The following SNTG1 variants were observed in gnomAD, a reference collection of about 807,000 sequenced individuals.
SNTG1 encodes syntrophin gamma 1.
A neutral mutation model predicts 74.7 loss-of-function variants in SNTG1; 39 were observed. That is an observed-to-expected ratio of 0.52 (90% CI 0.40 to 0.68). The LOEUF is 0.68. Among genes scored for constraint, SNTG1 ranks in the 30% least tolerant of loss-of-function variants. SNTG1 has a pLI of 0.00. For missense variants in SNTG1, 685 were observed against 609.5 expected, an observed-to-expected ratio of 1.12 and a Z score of -1.30; for synonymous variants, 254 against 217.1, an observed-to-expected ratio of 1.17 and a Z score of -1.49.
In SNTG1 at chr8:50,528,266, G is replaced by T. The variant is rs563537344; in HGVS notation, c.467-1911G>T. Among the ~76,000 whole-genome samples, 3 of 152,036 alleles carry T rather than the reference G, an allele frequency of 2.0e-5. No homozygotes were observed. The South Asian group carries it at 6.2e-4, about 32-fold the overall frequency. On this transcript the variant is annotated intron_variant, in intron 9 of 18. Coordinates refer to ENST00000642720, the MANE Select transcript of SNTG1 (RefSeq NM_018967.5). Reference sequence around the variant, plus strand: ...TATTTTGTCATTAGTTAGGGTATCGGATATAGGTTTTTAAAGATGTTCTTT... The same window carrying T: ...TATTTTGTCATTAGTTAGGGTATCGTATATAGGTTTTTAAAGATGTTCTTT...
chr8:50,099,661 T>C (rs1319737575), intron 1 of SNTG1, among the ~76,000 whole-genome samples: 1 of 152,138 alleles, frequency 6.6e-6, no homozygotes, highest in Non-Finnish European at 1.5e-5. Flanking sequence ...TGCTATCTTT[T>C]ATCTTTGTGA....
At chr8:50,539,161 G>A (rs1311157561) in intron 11 of SNTG1, among the ~76,000 whole-genome samples, 1 of 151,942 alleles carries the variant, frequency 6.6e-6, no homozygotes, top group East Asian at 1.9e-4. Context: ...TCATTTCATT[G>A]TTAGTATCAT....
intron 17 of SNTG1, among the ~76,000 whole-genome samples, chr8:50,745,886 CAT>C (rs1425986479): frequency 1.3e-5 from 2 of 151,738 alleles, no homozygotes; most frequent in Admixed American, 1.3e-4. Flanking sequence ...TAAGTGAAGA[CAT>C]ATGATTAATG....
intron 15 of SNTG1, among the ~76,000 whole-genome samples, chr8:50,689,790 T>G (rs2095369392): frequency 6.6e-6 from 1 of 152,218 alleles, no homozygotes; most frequent in South Asian, 2.1e-4. Flanking sequence ...ATTCCCTCTT[T>G]TTCTATTGAT....
intron 8 of SNTG1, among the ~76,000 whole-genome samples, chr8:50,498,687 T>C (rs1052160816): frequency 1.3e-5 from 2 of 151,878 alleles, no homozygotes. Context: ...AACGGTTTTC[T>C]CCAAAGTTTA....
intron 2 of SNTG1, among the ~76,000 whole-genome samples, chr8:50,211,963 AGAC>A (rs1400959436): frequency 6.6e-6 from 1 of 152,148 alleles, no homozygotes; most frequent in Non-Finnish European, 1.5e-5. Context: ...TAAAATAAAA[AGAC>A]AGGCTGTTAT....
chr8:50,010,991 G>T (rs7829734), intron 1 of SNTG1, among the ~76,000 whole-genome samples: 1 of 151,718 alleles, frequency 6.6e-6, no homozygotes, highest in Admixed American at 6.6e-5. Flanking sequence ...TATACCACTT[G>T]ACTTACTGTG....
At chr8:50,569,559 CCTT>C (rs1365127227) in intron 12 of SNTG1, among the ~76,000 whole-genome samples, 2 of 149,090 alleles carry the variant, frequency 1.3e-5, no homozygotes, top group Non-Finnish European at 3.0e-5. Context: ...AAAAAAAAAA[CCTT>C]CTATTCTGTC....
rs138342606 is a variant in SNTG1 at position 50,579,978 on chromosome 8, C to T, written c.811-10901C>T. Among the ~76,000 whole-genome samples, 718 of 152,256 alleles carry T rather than the reference C, an allele frequency of 4.7e-3. 7 individuals carry two copies. Among genetic ancestry groups the T allele is most frequent in the African/African-American group, 0.016 (672 of 41,542 alleles). ...TGGTAGAACTACTGACGGCTTGCAC[C>T]GTGTGCTGGGAAAAGGAACAGACAC... On this transcript the variant is annotated intron_variant, in intron 12 of 18. Transcript: ENST00000642720.
At chr8:50,439,818 G>A (rs2093342097) in intron 5 of SNTG1, among the ~76,000 whole-genome samples, 2 of 144,778 alleles carry the variant, frequency 1.4e-5, no homozygotes, top group South Asian at 2.2e-4. Context: ...AAATCCAATA[G>A]TGAGAGCTGA....
At chr8:50,178,340 C>T (rs1178824659) in intron 2 of SNTG1, among the ~76,000 whole-genome samples, 1 of 150,068 alleles carries the variant, frequency 6.7e-6, no homozygotes, top group African/African-American at 2.5e-5. Context: ...TTTTCTTCTT[C>T]TGGTCTCTTC....
At position 50,134,661 on chromosome 8, in the gene SNTG1, T is replaced by A. The variant is rs143688590; in HGVS notation, c.-102-37900T>A. Among the ~76,000 whole-genome samples, 660 of 152,236 alleles carry A rather than the reference T, an allele frequency of 4.3e-3. 2 individuals carry two copies. The highest frequency in any genetic ancestry group is 6.9e-3 in the Non-Finnish European group (472 of 68,002). ...GTTAGTAGGGTACATTCCTTTTTCT[T>A]AACTTTTAAAAATGAGAGACGCTGA... is the stretch of plus-strand genomic sequence containing the variant. On this transcript the variant is annotated intron_variant, in intron 1 of 18. Coordinates refer to ENST00000642720, the MANE Select transcript of SNTG1 (RefSeq NM_018967.5).
chr8:50,359,344 T>C (rs2091899087), intron 2 of SNTG1, among the ~76,000 whole-genome samples: 2 of 152,186 alleles, frequency 1.3e-5, no homozygotes, highest in Non-Finnish European at 2.9e-5. Flanking sequence ...CAGCATGTAT[T>C]TGACATCTGA....
chr8:50,112,868 G>C (rs1187784042), intron 1 of SNTG1, among the ~76,000 whole-genome samples: 1 of 152,122 alleles, frequency 6.6e-6, no homozygotes, highest in Non-Finnish European at 1.5e-5. Flanking sequence ...CCCATTTCTT[G>C]TTTTTGTCAG....
At chr8:50,378,290 C>T (rs2092423623) in intron 2 of SNTG1, among the ~76,000 whole-genome samples, 1 of 152,182 alleles carries the variant, frequency 6.6e-6, no homozygotes, top group Admixed American at 6.5e-5. Flanking sequence ...CACAGTGGCA[C>T]CCAGAAGTTT....
At chr8:50,570,703 C>G (rs1362746207) in intron 12 of SNTG1, among the ~76,000 whole-genome samples, 2 of 151,556 alleles carry the variant, frequency 1.3e-5, no homozygotes, top group Non-Finnish European at 2.9e-5. Flanking sequence ...CTCCCAGGTT[C>G]AAGCGATTCT....
At chr8:49,938,603 T>TTTACTTTCTTTCTTTC (rs10629764) in intron 1 of SNTG1, among the ~76,000 whole-genome samples, 1 of 74,754 alleles carries the variant, frequency 1.3e-5, no homozygotes, top group Admixed American at 1.6e-4. Flanking sequence ...TTTTCTTTTC[T>TTTACTTTCTTTCTTTC]TTTCTTTCTT....
At chr8:50,439,550 T>C (rs1357380536) in intron 5 of SNTG1, among the ~76,000 whole-genome samples, 1 of 152,036 alleles carries the variant, frequency 6.6e-6, no homozygotes, top group East Asian at 1.9e-4. Flanking sequence ...AATATTGCTA[T>C]AAAGAGCACT....
intron 1 of SNTG1, among the ~76,000 whole-genome samples, chr8:49,924,496 C>T (rs1292627176): frequency 1.3e-5 from 2 of 152,022 alleles, no homozygotes; most frequent in Non-Finnish European, 2.9e-5. Context: ...GTTTAGTTAC[C>T]AACCTCCAGA....
Sources: gnomAD v4.1 joint callset for allele counts (sites outside exome capture counted in the v4.1 genomes callset) on GRCh38, gnomAD v4.1.1 for gene constraint, MANE v1.5 for transcripts, NCBI Gene and HGNC (gene_info 2026-07-23, HGNC 2026-07-21) for gene names.